SPECC1: variants seen among roughly 807,000 people sequenced by gnomAD.
The protein encoded by SPECC1 is cytospin-B.
Under a neutral mutation model 104.1 loss-of-function variants are expected in SPECC1, and 62 were observed. The ratio of observed to expected loss-of-function variants is 0.60; its 90% CI spans 0.49 to 0.74. SPECC1 has a LOEUF of 0.74. SPECC1 is among the 30% of genes least tolerant of loss of function. The probability of loss-of-function intolerance (pLI) is 0.00; values close to 1 mark genes in which losing one functional copy is unlikely to be tolerated. For synonymous variants in SPECC1, 513 were observed against 501.6 expected, an observed-to-expected ratio of 1.02 and a Z score of -0.30; for missense variants, 1,306 against 1,310.5, an observed-to-expected ratio of 1.00 and a Z score of 0.05.
At chr17:20,296,898 C>A in intron 12 of SPECC1, 63 bp from the exon 13 acceptor site, 2 of 1,425,486 alleles carry the variant, frequency 1.4e-6, no homozygotes, top group South Asian at 1.2e-5. Context: ...CACAATCTTC[C>A]TCATCTGTGA....
chr17:20,079,842 CAGAG>C (rs2046898155), intron 1 of SPECC1, among the ~76,000 whole-genome samples: 1 of 152,160 alleles, frequency 6.6e-6, no homozygotes, highest in Admixed American at 6.5e-5. Flanking sequence ...TGGAGAGTCA[CAGAG>C]GGAGGGATCC....
chr17:20,173,773 C>A (rs1385273828), intron 3 of SPECC1, among the ~76,000 whole-genome samples: 1 of 152,230 alleles, frequency 6.6e-6, no homozygotes, highest in African/African-American at 2.4e-5. Flanking sequence ...TGGCAAAATT[C>A]ATTTGCCTTA....
intron 3 of SPECC1, among the ~76,000 whole-genome samples, chr17:20,168,556 A>T (rs1011804978): frequency 6.6e-6 from 1 of 152,212 alleles, no homozygotes; most frequent in Admixed American, 6.5e-5. Flanking sequence ...CCCATACAAG[A>T]CTGTATGACA....
Position 20,015,629 on chromosome 17 carries a change from G to A in SPECC1, c.-22+6205G>A, listed in dbSNP as rs138544777. Among the ~76,000 whole-genome samples, 836 of 131,294 alleles carry A rather than the reference G, an allele frequency of 6.4e-3. 10 individuals are homozygous for A. Among genetic ancestry groups the A allele is most frequent in the African/African-American group, 0.023 (794 of 35,208 alleles). The allele number at this position is 131,294 out of a possible 152,430, so 86.1% of individuals were successfully genotyped here. On this transcript the variant is annotated intron_variant, in intron 1 of 14. Transcript: ENST00000395527. The stretch of plus-strand genomic sequence containing the variant: ...AGGTGGAGTCTCGCTCTGTCGCCCA[G>A]GCTGGAAGGCAATGGCACTATCTCG...
intron 3 of SPECC1, among the ~76,000 whole-genome samples, chr17:20,115,100 A>G (rs968218392): frequency 2.0e-5 from 3 of 152,196 alleles, no homozygotes; most frequent in Non-Finnish European, 4.4e-5. Context: ...TTTTAGATCT[A>G]ATGTATACTG....
At chr17:20,259,463 T>C (rs1052782502) in intron 11 of SPECC1, among the ~76,000 whole-genome samples, 1 of 152,182 alleles carries the variant, frequency 6.6e-6, no homozygotes, top group African/African-American at 2.4e-5. Flanking sequence ...TGGCAAGATA[T>C]TTGGTGTTTT....
rs762643888 is a variant in SPECC1 at position 20,317,259 on chromosome 17, A to ATTTTTTTTTTTTT, written c.*3203_*3215dup. On this transcript the variant is annotated 3_prime_UTR_variant, in exon 15 of 15. Coordinates refer to ENST00000395527, the MANE Select transcript of SPECC1 (RefSeq NM_001243439.2). ...GCAAGACCTCTGACTCTATAAAAAA[A>ATTTTTTTTTTTTT]TTTTTTTTTTTTTTTTTTTTTGAGA... The ATTTTTTTTTTTTT allele has an allele frequency of 6.6e-3, 463 of 69,666 alleles. 67 individuals carry two copies. Among genetic ancestry groups the ATTTTTTTTTTTTT allele is most frequent in the African/African-American group, 0.033 (420 of 12,864 alleles). The allele number at this position is 69,666 out of a possible 1,614,324, so 4.3% of individuals were successfully genotyped here.
chr17:20,283,941 A>G (rs1431070540), intron 12 of SPECC1, among the ~76,000 whole-genome samples: 2 of 152,124 alleles, frequency 1.3e-5, no homozygotes, highest in African/African-American at 4.8e-5. Context: ...TTTGCTATAC[A>G]TATATTGGTT....
chr17:20,293,395 A>T (rs540034189), intron 12 of SPECC1, among the ~76,000 whole-genome samples: 8 of 152,048 alleles, frequency 5.3e-5, no homozygotes, highest in Non-Finnish European at 1.0e-4. Flanking sequence ...ATTTCTCTTC[A>T]TCCTGCCTCT....
rs557512572 is a variant in SPECC1, at chr17:20,312,779, C to A, written c.3118-1197C>A. On this transcript the variant is annotated intron_variant, in intron 14 of 14. Transcript: ENST00000395527. ...GTACCTGCACGGAATGTTCTACCAA[C>A]TCTTCTTCCACTCCTTTCCCATGAC... Among the ~76,000 whole-genome samples, 7 of 152,332 alleles carry A rather than the reference C, an allele frequency of 4.6e-5. No homozygotes were observed. The South Asian group carries it at 1.5e-3, about 32-fold the overall frequency.
intron 4 of SPECC1, among the ~76,000 whole-genome samples, chr17:20,226,940 G>A (rs1035447744): frequency 6.6e-5 from 10 of 152,164 alleles, no homozygotes; most frequent in Non-Finnish European, 1.0e-4. Flanking sequence ...AGAGGGCGCT[G>A]CTCCATAGCA....
chr17:20,097,916 T>A (rs2047730853), intron 2 of SPECC1, among the ~76,000 whole-genome samples: 1 of 152,198 alleles, frequency 6.6e-6, no homozygotes, highest in Admixed American at 6.5e-5. Context: ...ACCCGTTAAA[T>A]ATTAGTAACA....
At chr17:20,162,168 C>CA (rs201211317) in intron 3 of SPECC1, among the ~76,000 whole-genome samples, 2,417 of 151,868 alleles carry the variant, frequency 0.016, 47 homozygotes, top group African/African-American at 0.053. Context: ...ATTTTTTAGA[C>CA]AGAGTCTCGC....
At chr17:20,113,802 A>G (rs1428368034) in intron 3 of SPECC1, among the ~76,000 whole-genome samples, 1 of 152,246 alleles carries the variant, frequency 6.6e-6, no homozygotes, top group Non-Finnish European at 1.5e-5. Flanking sequence ...TATTCACACT[A>G]TTAGCCTAGT....
In SPECC1 at chr17:20,201,376, G is replaced by T. The variant is rs1272543199; in HGVS notation, c.284-2957G>T. Among the ~76,000 whole-genome samples the T allele has an allele frequency of 2.0e-5, 3 of 152,066 alleles. No individual in the cohort carries two copies. In the East Asian group the frequency reaches 5.8e-4, roughly 29 times the overall value. ...TCGCGCCTGTAGTTCCAGCTATTCGGGATGCTGAGGCAGGAGAATCACTTA... is the reference window on the plus strand; with the variant it reads ...TCGCGCCTGTAGTTCCAGCTATTCGTGATGCTGAGGCAGGAGAATCACTTA... On this transcript the variant is annotated intron_variant, in intron 3 of 14. Coordinates refer to ENST00000395527, the MANE Select transcript of SPECC1 (RefSeq NM_001243439.2).
chr17:20,062,659 A>G (rs10083840), intron 1 of SPECC1, among the ~76,000 whole-genome samples: 49,401 of 151,550 alleles, frequency 0.33, 8,639 homozygotes, highest in Middle Eastern at 0.45. Context: ...CCACCATACC[A>G]GGTCAAAATT....
chr17:20,169,356 T>C (rs978779269), intron 3 of SPECC1, among the ~76,000 whole-genome samples: 4 of 152,228 alleles, frequency 2.6e-5, no homozygotes, highest in Non-Finnish European at 5.9e-5. Flanking sequence ...GGAGGAATTA[T>C]CATTATATAT....
chr17:20,080,882 G>A (rs1053095828), intron 1 of SPECC1, among the ~76,000 whole-genome samples: 1 of 152,118 alleles, frequency 6.6e-6, no homozygotes. Flanking sequence ...TCAGTGCAGG[G>A]GGGGGTGGTC....
intron 1 of SPECC1, among the ~76,000 whole-genome samples, chr17:20,090,963 G>A (rs2047378598): frequency 1.3e-5 from 2 of 151,944 alleles, no homozygotes; most frequent in Non-Finnish European, 2.9e-5. Context: ...ATTCTTTATG[G>A]GTCTTCACCT....
Sources: allele counts gnomAD v4.1 joint callset (sites outside exome capture counted in the v4.1 genomes callset), GRCh38; gene constraint gnomAD v4.1.1; transcripts MANE v1.5; gene names NCBI Gene and HGNC (gene_info 2026-07-23, HGNC 2026-07-21).